Variants in TRPV6 observed in about 807,000 individuals in gnomAD.
The protein encoded by TRPV6 is Alu-binding protein with zinc finger domain.
A neutral mutation model predicts 79.0 loss-of-function variants in TRPV6; 39 were observed. The ratio of observed to expected loss-of-function variants is 0.49; its 90% CI spans 0.38 to 0.64. The LOEUF (loss-of-function observed/expected upper bound fraction) is 0.64, where lower values mean the gene tolerates loss of function less well. Among genes scored for constraint, TRPV6 ranks in the 30% least tolerant of loss-of-function variants. TRPV6 has a pLI of 0.00. For missense variants in TRPV6, 813 were observed against 1,011.1 expected (o/e 0.80, Z 2.66); for synonymous variants, 373 against 391.9 (o/e 0.95, Z 0.57).
Position 142,877,148 on chromosome 7 carries a change from A to T in TRPV6, c.601T>A (p.Tyr201Asn). Residue 201 changes from tyrosine (Y) to asparagine (N), a missense_variant, in exon 4 of 15, where the codon TAC (tyrosine) becomes AAC (asparagine). Tyr to Asn is a moderately radical substitution (Grantham distance 143, BLOSUM62 -2). Coordinates refer to ENST00000359396, the MANE Select transcript of TRPV6 (RefSeq NM_018646.6). ...AGCCCAGCCCTGCTCTCACCAAAGT[A>T]GATGAGGTTGCAGGGACTACGGCGG... The T allele has an allele frequency of 6.2e-7, 1 of 1,614,134 alleles. No individual in the cohort carries two copies. Among genetic ancestry groups the T allele is most frequent in the Non-Finnish European group, 8.5e-7 (1 of 1,179,976 alleles).
rs759093186 is a variant in TRPV6 at position 142,876,401 on chromosome 7, C to T, written c.882+7G>A. On this transcript the variant is annotated splice_region_variant and intron_variant, in intron 6 of 14. Transcript: ENST00000359396. ...AAGACACCTCAGGGATGGGGACCGTCTCTCACCACAGTGTTACCCTCCACT... is the reference window on the plus strand; with the variant it reads ...AAGACACCTCAGGGATGGGGACCGTTTCTCACCACAGTGTTACCCTCCACT... The T allele has an allele frequency of 1.2e-6, 2 of 1,612,430 alleles. No homozygotes were observed. The highest frequency in any genetic ancestry group is 1.1e-5 in the South Asian group (1 of 90,686).
intron 8 of TRPV6, 23 bp downstream of exon 8, chr7:142,875,445 A>C: frequency 6.5e-7 from 1 of 1,545,478 alleles, no homozygotes; most frequent in Non-Finnish European, 8.7e-7. Context: ...TGCCCTGCTG[A>C]TCTGCTCCTA....
Position 142,875,888 on chromosome 7 carries a change from A to C in TRPV6, c.899T>G (p.Met300Arg). The stretch of plus-strand genomic sequence containing the variant: ...CCACTGGGTGTGCTTCCGCTTCTGC[A>C]TCAGGTGCTGAAACATCTAAGGGAA... Residue 300 changes from methionine to arginine, a missense_variant, in exon 7 of 15, where the codon ATG becomes AGG. Around this residue, in one of 3 missense-constraint regions of TRPV6, gnomAD observed 555 missense variants for 631.0 expected, o/e 0.88. Transcript: ENST00000359396. 2.5e-6 allele frequency: 4 copies of C among 1,587,556 alleles called. No homozygotes were observed. Among genetic ancestry groups the C allele is most frequent in the Non-Finnish European group, 3.4e-6 (4 of 1,168,456 alleles).
chr7:142,885,512 C>A lies in TRPV6; in HGVS notation c.125G>T (p.Gly42Val), dbSNP rs761027903. 1 of 1,611,222 alleles carries A rather than the reference C, an allele frequency of 6.2e-7. No individual in the cohort carries two copies. The highest frequency in any genetic ancestry group is 8.5e-7 in the Non-Finnish European group (1 of 1,178,342). Residue 42 changes from glycine (G) to valine (V), a missense_variant, in exon 1 of 15, where the codon GGT becomes GTT. Coordinates refer to ENST00000359396, the MANE Select transcript of TRPV6 (RefSeq NM_018646.6). ...CCCTTTCTCCTTGGGCAGTGACAAACCCATGGGGTGTAGGGCCGGCTCCTT... is the reference window on the plus strand; with the variant it reads ...CCCTTTCTCCTTGGGCAGTGACAAAACCATGGGGTGTAGGGCCGGCTCCTT...
chr7:142,874,681 T>C, intron 10 of TRPV6, 25 bp from the exon 11 acceptor site: 1 of 1,606,722 alleles, frequency 6.2e-7, no homozygotes, highest in South Asian at 1.1e-5. Flanking sequence ...AGGAGGGTGA[T>C]GAGGGGAGGG....
In TRPV6 at chr7:142,873,838, C is replaced by G. The variant is rs1794996088; in HGVS notation, c.1640-122G>C. ...TCAATATCACCAGCTCTGCAGTGCT[C>G]CAAACTTTGGGTTTTTACGGTCCCT... On this transcript the variant is annotated intron_variant, in intron 12 of 14. Coordinates refer to ENST00000359396, the MANE Select transcript of TRPV6 (RefSeq NM_018646.6). The surrounding 1 kb of genome is among the most constrained non-coding windows in gnomAD (Gnocchi z 4.8). 1 of 1,424,900 alleles carries G rather than the reference C, an allele frequency of 7.0e-7. No homozygotes were observed. Among genetic ancestry groups the G allele is most frequent in the East Asian group, 2.3e-5 (1 of 43,374 alleles). 88.3% of individuals were successfully genotyped at this position (1,424,900 alleles called of 1,614,324 possible).
Position 142,874,782 on chromosome 7 carries a change from G to A in TRPV6, c.1406+122C>T, listed in dbSNP as rs1325384704. ...AGCCTCCCCACACTCAATGCCCAGG[G>A]TCATACACACAGCACTAGAGAGGGG... On this transcript the variant is annotated intron_variant, in intron 10 of 14. Transcript: ENST00000359396. 3 of 1,549,868 alleles carry A rather than the reference G, an allele frequency of 1.9e-6. No homozygotes were observed. The African/African-American group carries it at 4.1e-5, about 21-fold the overall frequency.
chr7:142,874,482 AG>A lies in TRPV6; in HGVS notation c.1572+8del. The A allele has an allele frequency of 6.2e-7, 1 of 1,613,190 alleles. No individual in the cohort carries two copies. Among genetic ancestry groups the A allele is most frequent in the Non-Finnish European group, 8.5e-7 (1 of 1,179,632 alleles). On this transcript the variant is annotated splice_region_variant and intron_variant, in intron 11 of 14. Coordinates refer to ENST00000359396, the MANE Select transcript of TRPV6 (RefSeq NM_018646.6). Reference sequence around the variant, plus strand: ...GCCTTTCTCTAGGGAGCTTGGGGGGAGGACTGACCTTCTGAATCATGATGGT... The same window carrying A: ...GCCTTTCTCTAGGGAGCTTGGGGGGAGACTGACCTTCTGAATCATGATGGT...
Position 142,875,643 on chromosome 7 carries a change from A to G in TRPV6, c.1067T>C (p.Leu356Pro). ...GTACCGCTTCCACTTGAGGCTCACC[A>G]GCTCCTTCACCGGCGTCTGGTCCAG... The change falls in exon 8 of 15, where the codon CTG (leucine) becomes CCG (proline). Residue 356 changes from leucine (L) to proline (P), a missense_variant. Leu to Pro is a moderately conservative substitution (Grantham distance 98). This residue lies in a region of TRPV6 where 555 missense variants were observed against 631.0 expected (regional missense o/e 0.88). Coordinates refer to ENST00000359396, the MANE Select transcript of TRPV6 (RefSeq NM_018646.6). 1.2e-6 allele frequency: 2 copies of G among 1,613,800 alleles called. No individual in the cohort carries two copies. The highest frequency in any genetic ancestry group is 2.2e-5 in the South Asian group (2 of 91,040).
rs1313602285 is a variant in TRPV6 at position 142,875,078 on chromosome 7, C to T, written c.1329G>A (p.Glu443=). Residue 443 remains glutamate (E), a splice_region_variant and synonymous_variant, in exon 9 of 15, where the codon GAG becomes GAA. Coordinates refer to ENST00000359396, the MANE Select transcript of TRPV6 (RefSeq NM_018646.6). Reference sequence around the variant, plus strand: ...CACCCAGAGTCCATCCACACCTCACCTCTACCAGCAGGATGATGATAGCCC... The same window carrying T: ...CACCCAGAGTCCATCCACACCTCACTTCTACCAGCAGGATGATGATAGCCC... 1 of 1,614,160 alleles carries T rather than the reference C, an allele frequency of 6.2e-7. No individual in the cohort carries two copies. The highest frequency in any genetic ancestry group is 8.5e-7 in the Non-Finnish European group (1 of 1,180,028).
intron 6 of TRPV6, 110 bp from the exon 7 acceptor site, chr7:142,876,014 T>A: frequency 7.8e-7 from 1 of 1,280,494 alleles, no homozygotes; most frequent in South Asian, 1.7e-5. Flanking sequence ...GTGGCTGCCC[T>A]TTCATTTTGA....
rs1303665872 is a variant in TRPV6 at position 142,874,047 on chromosome 7, A to G, written c.1639+29T>C. The G allele has an allele frequency of 3.1e-6, 5 of 1,609,968 alleles. 1 individual carries two copies. The South Asian group carries it at 4.4e-5, about 14-fold the overall frequency. ...TAGACTTCCTCATCTCTTCCCTGCC[A>G]TGGCCCCTGGTCCTGGACAGATGAT... On this transcript the variant is annotated intron_variant, in intron 12 of 14. Coordinates refer to ENST00000359396, the MANE Select transcript of TRPV6 (RefSeq NM_018646.6).
Position 142,875,096 on chromosome 7 carries a change from G to C in TRPV6, c.1311C>G (p.Ile437Met). Residue 437 changes from isoleucine (I) to methionine (M), a missense_variant, in exon 9 of 15, where the codon ATC becomes ATG. Physicochemically the swap from Ile to Met is conservative, Grantham distance 10. Around this residue, in one of 3 missense-constraint regions of TRPV6, gnomAD observed 555 missense variants for 631.0 expected, o/e 0.88. Transcript: ENST00000359396. ...ACCTCACCTCTACCAGCAGGATGAT[G>C]ATAGCCCCAATGACAGTCACCAGCT... The C allele has an allele frequency of 6.2e-7, 1 of 1,614,146 alleles. No homozygotes were observed.
chr7:142,871,837 G>A lies in TRPV6; in HGVS notation c.2168C>T (p.Ser723Leu), dbSNP rs529731272. 6 of 1,614,196 alleles carry A rather than the reference G, an allele frequency of 3.7e-6. No individual in the cohort carries two copies. Among genetic ancestry groups the A allele is most frequent in the Non-Finnish European group, 5.1e-6 (6 of 1,180,040 alleles). Reference sequence around the variant, plus strand: ...GCTGCGGGAGGTACTTCGAGACACTGAGGGCATAGGAAGGGACAGGTGGGG... The same window carrying A: ...GCTGCGGGAGGTACTTCGAGACACTAAGGGCATAGGAAGGGACAGGTGGGG... Residue 723 changes from serine to leucine, a missense_variant, in exon 15 of 15, where the codon TCA becomes TTA. Physicochemically the swap from Ser to Leu is moderately radical, Grantham distance 145. This residue lies in a region of TRPV6 where 164 missense variants were observed against 186.1 expected (regional missense o/e 0.88). Coordinates refer to ENST00000359396, the MANE Select transcript of TRPV6 (RefSeq NM_018646.6).
At position 142,878,458 on chromosome 7, in the gene TRPV6, C is replaced by T. The variant is rs144126235; in HGVS notation, c.249-432G>A. The stretch of plus-strand genomic sequence containing the variant: ...AGGATAAGCCTTGTTTTGCATGGAC[C>T]GAGGGGTGCAAGGAATTCCTGTCTC... On this transcript the variant is annotated intron_variant, in intron 1 of 14. Transcript: ENST00000359396. The T allele has an allele frequency of 9.0e-5, 18 of 200,674 alleles. No individual in the cohort carries two copies. In the East Asian group the frequency reaches 1.8e-3, roughly 20 times the overall value. The allele number at this position is 200,674 out of a possible 1,614,324, so 12.4% of individuals were successfully genotyped here.
rs1401882325 is a variant in TRPV6 at position 142,874,154 on chromosome 7, A to G, written c.1573-12T>C. On this transcript the variant is annotated splice_polypyrimidine_tract_variant and intron_variant, in intron 11 of 14. Transcript: ENST00000359396. The stretch of plus-strand genomic sequence containing the variant: ...TCGCCAAAAATCATCTAGAAGGAGC[A>G]GGAGGCAGAGAACATCTGCACACAT... 1 of 1,612,742 alleles carries G rather than the reference A, an allele frequency of 6.2e-7. No homozygotes were observed. The highest frequency in any genetic ancestry group is 1.7e-5 in the Admixed American group (1 of 59,836).
intron 1 of TRPV6, chr7:142,881,239 T>C (rs1314432943): frequency 6.6e-6 from 1 of 152,124 alleles, no homozygotes; most frequent in Non-Finnish European, 1.5e-5. Context: ...GATTTTTCAA[T>C]AGCAACTTAT....
chr7:142,882,000 G>A (rs1478013139), intron 1 of TRPV6: 2 of 152,232 alleles, frequency 1.3e-5, no homozygotes. Context: ...GAAACAGATG[G>A]AGGAAGCAAG....
chr7:142,871,221 C>T lies in TRPV6; in HGVS notation c.*486G>A, dbSNP rs753710649. On this transcript the variant is annotated 3_prime_UTR_variant, in exon 15 of 15. Transcript: ENST00000359396. ...GGGCAGCTGGGCAGGGATCCGAAAA[C>T]GACTTTATTGAAGATGGAGTTGGCA... 12 of 539,168 alleles carry T rather than the reference C, an allele frequency of 2.2e-5. No individual in the cohort carries two copies. Among genetic ancestry groups the T allele is most frequent in the Middle Eastern group, 5.0e-4 (1 of 2,010 alleles). The allele number at this position is 539,168 out of a possible 1,614,324, so 33.4% of individuals were successfully genotyped here.
Sources: allele counts gnomAD v4.1 joint callset, GRCh38; gene constraint gnomAD v4.1.1; regional missense constraint gnomAD v4.1.1; non-coding constraint Gnocchi (gnomAD v3.1); transcripts MANE v1.5; gene names NCBI Gene and HGNC (gene_info 2026-07-23, HGNC 2026-07-21).